The following L3MBTL1 variants were observed in gnomAD, a reference collection of about 807,000 sequenced individuals.
L3MBTL1 encodes the protein L3MBTL histone methyl-lysine binding protein 1.
A neutral mutation model predicts 105.3 loss-of-function variants in L3MBTL1; 75 were observed. That is an observed-to-expected ratio of 0.71 (90% CI 0.59 to 0.86). L3MBTL1 has a LOEUF of 0.86. L3MBTL1 is among the 40% of genes least tolerant of loss of function. The probability of loss-of-function intolerance (pLI) is 0.00; values close to 1 mark genes in which losing one functional copy is unlikely to be tolerated. For missense variants in L3MBTL1, 1,069 were observed against 1,126.4 expected (o/e 0.95, Z 0.73); for synonymous variants, 452 against 436.2 (o/e 1.04, Z -0.45).
rs764306734 is a variant in L3MBTL1, at chr20:43,533,441, C to A, written c.1513+23C>A. 5 of 1,599,946 alleles carry A rather than the reference C, an allele frequency of 3.1e-6. No homozygotes were observed. In the East Asian group the frequency reaches 1.1e-4, roughly 36 times the overall value. Reference sequence around the variant, plus strand: ...AAGGTGACCCTGCAGCCTGAGCAAGCCCCCTTTCCTAAGCCTGGCTCTGCT... The same window carrying A: ...AAGGTGACCCTGCAGCCTGAGCAAGACCCCTTTCCTAAGCCTGGCTCTGCT... On this transcript the variant is annotated intron_variant, in intron 13 of 21. Transcript: ENST00000418998.
In L3MBTL1 at chr20:43,515,364, G is replaced by A; in HGVS notation, c.726G>A (p.Lys242=). 1.3e-6 allele frequency: 2 copies of A among 1,565,706 alleles called. No individual in the cohort carries two copies. The highest frequency in any genetic ancestry group is 1.7e-6 in the Non-Finnish European group (2 of 1,154,016). ...SELLKPMKKR[K]RREYQSPSEE... is the part of the protein sequence containing the mutation. ...TCCTCAAACCCATGAAGAAGAGGAAGCGCAGGGAATACCAGAGCCCATCAG... is the reference window on the plus strand; with the variant it reads ...TCCTCAAACCCATGAAGAAGAGGAAACGCAGGGAATACCAGAGCCCATCAG... The change falls in exon 6 of 22, where the codon AAG becomes AAA. Residue 242 remains lysine (K), a synonymous_variant. Transcript: ENST00000418998.
At chr20:43,517,727 TG>T (rs2018475713) in intron 7 of L3MBTL1, among the ~76,000 whole-genome samples, 1 of 152,234 alleles carries the variant, frequency 6.6e-6, no homozygotes, top group African/African-American at 2.4e-5. Flanking sequence ...CCTCAGTCAC[TG>T]TCTTTCCCGT....
rs2019202744 is a variant in L3MBTL1 at position 43,529,332 on chromosome 20, A to G, written c.1020A>G (p.Gln340=). 1 of 1,613,112 alleles carries G rather than the reference A, an allele frequency of 6.2e-7. No individual in the cohort carries two copies. Among genetic ancestry groups the G allele is most frequent in the South Asian group, 1.1e-5 (1 of 90,620 alleles). ...TGAAGTTGGAAGGCATTGACCCTCA[A>G]CACCCGTCCATGTACTTCATCCTCA... The part of the protein sequence containing the change: ...LGMKLEGIDP[Q]HPSMYFILTV... Residue 340 remains glutamine (Q), a synonymous_variant, in exon 9 of 22, where the codon CAA becomes CAG. Coordinates refer to ENST00000418998, the MANE Select transcript of L3MBTL1 (RefSeq NM_001377303.1).
At chr20:43,540,898 A>G (rs2019880576) in intron 21 of L3MBTL1, 36 bp from the exon 22 acceptor site, 1 of 1,613,080 alleles carries the variant, frequency 6.2e-7, no homozygotes, top group Non-Finnish European at 8.5e-7. Context: ...CCCCAGCGTC[A>G]CTTCTGCTAA....
chr20:43,529,969 C>T (rs191416702), intron 9 of L3MBTL1, among the ~76,000 whole-genome samples: 2 of 152,170 alleles, frequency 1.3e-5, no homozygotes, highest in East Asian at 3.9e-4. Context: ...GCAGAGGGAG[C>T]GGTCATCAGG....
intron 15 of L3MBTL1, 120 bp downstream of exon 15, chr20:43,534,514 C>A: frequency 1.3e-6 from 1 of 785,146 alleles, no homozygotes; most frequent in Non-Finnish European, 2.1e-6. Context: ...TCTTGAATCT[C>A]ATTCTTGCCT....
intron 19 of L3MBTL1, among the ~76,000 whole-genome samples, chr20:43,538,597 G>A (rs554793615): frequency 6.6e-5 from 10 of 152,286 alleles, no homozygotes; most frequent in African/African-American, 2.2e-4. Flanking sequence ...AGATCTGCCC[G>A]GAGAGGACAG....
intron 16 of L3MBTL1, 122 bp from the exon 17 acceptor site, chr20:43,535,715 G>T: frequency 1.6e-6 from 1 of 637,122 alleles, no homozygotes; most frequent in East Asian, 2.6e-5. Context: ...GCCAACGCAG[G>T]GCCCTCATCC....
At chr20:43,515,188 G>A (rs200165694) in intron 5 of L3MBTL1, 29 bp downstream of exon 5, 1 of 1,614,078 alleles carries the variant, frequency 6.2e-7, no homozygotes, top group Non-Finnish European at 8.5e-7. Flanking sequence ...AGCCCTACTT[G>A]CTCTACCTTC....
chr20:43,541,814 A>C lies in L3MBTL1; in HGVS notation c.*686A>C, dbSNP rs952789064. On this transcript the variant is annotated 3_prime_UTR_variant, in exon 22 of 22. Transcript: ENST00000418998. ...AGTATATAATAGAGCAATATTATGGAGGAATATGTAGATCCAATCACTTTA... is the reference window on the plus strand; with the variant it reads ...AGTATATAATAGAGCAATATTATGGCGGAATATGTAGATCCAATCACTTTA... 1.0e-6 allele frequency: 1 copy of C among 984,138 alleles called. No homozygotes were observed. The highest frequency in any genetic ancestry group is 1.2e-6 in the Non-Finnish European group (1 of 828,782). The allele number at this position is 984,138 out of a possible 1,614,324, so 61.0% of individuals were successfully genotyped here.
At chr20:43,530,622 C>T in intron 10 of L3MBTL1, 176 bp from the exon 11 acceptor site, 1 of 774,174 alleles carries the variant, frequency 1.3e-6, no homozygotes, top group Non-Finnish European at 2.1e-6. Flanking sequence ...TGCACTTGCC[C>T]TTTGAGTGTC....
At chr20:43,536,479 C>G (rs1160136145) in intron 19 of L3MBTL1, 21 bp downstream of exon 19, 4 of 1,612,998 alleles carry the variant, frequency 2.5e-6, no homozygotes, top group Middle Eastern at 1.7e-4. Flanking sequence ...GTTATCTGCT[C>G]CTATGTCCTC....
At chr20:43,550,725 C>T (rs1220014518) in exon 19 of L3MBTL1, 1 of 152,214 alleles carries the variant, frequency 6.6e-6, no homozygotes, top group Non-Finnish European at 1.5e-5. Flanking sequence ...AGAGAATGAT[C>T]TCAGAGTTTG....
chr20:43,526,429 G>A (rs545993709), intron 7 of L3MBTL1, among the ~76,000 whole-genome samples: 1 of 152,314 alleles, frequency 6.6e-6, no homozygotes, highest in African/African-American at 2.4e-5. Flanking sequence ...AATGGAGGAA[G>A]ACTGAGTGGG....
intron 4 of L3MBTL1, 55 bp from the exon 5 acceptor site, chr20:43,514,954 G>T: frequency 6.3e-7 from 1 of 1,591,482 alleles, no homozygotes; most frequent in South Asian, 1.1e-5. Context: ...CGTGGGCGGA[G>T]CCTGAGTGTG....
chr20:43,511,257 T>G (rs1461993198), intron 1 of L3MBTL1, among the ~76,000 whole-genome samples: 1 of 152,174 alleles, frequency 6.6e-6, no homozygotes, highest in African/African-American at 2.4e-5. Context: ...GTTACTGAAA[T>G]CCAACACAAG....
chr20:43,542,375 A>G (rs536048853), downstream of L3MBTL1, among the ~76,000 whole-genome samples: 1 of 152,196 alleles, frequency 6.6e-6, no homozygotes, highest in Admixed American at 6.5e-5. Context: ...TCTTCTCTTC[A>G]TGTACGTGTC....
chr20:43,538,044 G>C (rs544975948), intron 19 of L3MBTL1, among the ~76,000 whole-genome samples: 1 of 152,168 alleles, frequency 6.6e-6, no homozygotes, highest in Non-Finnish European at 1.5e-5. Context: ...AGTATTATTA[G>C]TCTGAGTCTC....
intron 7 of L3MBTL1, among the ~76,000 whole-genome samples, chr20:43,528,382 A>T (rs564048583): frequency 6.6e-6 from 1 of 152,286 alleles, no homozygotes; most frequent in South Asian, 2.1e-4. Flanking sequence ...TTGTAACTTC[A>T]GTCAGTTGCT....
Sources: gnomAD v4.1 joint callset for allele counts (sites outside exome capture counted in the v4.1 genomes callset) on GRCh38, gnomAD v4.1.1 for gene constraint, MANE v1.5 for transcripts, NCBI Gene and HGNC (gene_info 2026-07-23, HGNC 2026-07-21) for gene names.